Variants in CEP78 observed in about 807,000 individuals in gnomAD.
The protein encoded by CEP78 is centrosomal protein 78.
Under a neutral mutation model 81.2 loss-of-function variants are expected in CEP78, and 76 were observed. The ratio of observed to expected loss-of-function variants is 0.94; its 90% CI spans 0.78 to 1.13. The LOEUF (loss-of-function observed/expected upper bound fraction) is 1.13. CEP78 is among the 50% of genes most tolerant of loss of function. The pLI, the probability that CEP78 is intolerant of heterozygous loss-of-function variation, is 0.00. For synonymous variants in CEP78, 293 were observed against 301.4 expected (o/e 0.97, Z 0.29); for missense variants, 918 against 846.8 (o/e 1.08, Z -1.04).
chr9:78,265,936 G>T, intron 15 of CEP78, 30 bp downstream of exon 15: 1 of 1,091,326 alleles, frequency 9.2e-7, no homozygotes, highest in South Asian at 1.4e-5. Flanking sequence ...TAATTTTTCA[G>T]AATAAGTAAT....
intron 11 of CEP78, among the ~76,000 whole-genome samples, chr9:78,257,295 A>G (rs138764908): frequency 1.1e-3 from 172 of 152,270 alleles, no homozygotes; most frequent in African/African-American, 3.7e-3. Flanking sequence ...TTAGAAAGAT[A>G]CCTCCAAAGT....
chr9:78,236,101 C>G lies in CEP78; in HGVS notation c.-250C>G, dbSNP rs1032993829. 1.9e-6 allele frequency: 1 copy of G among 522,666 alleles called. No homozygotes were observed. The highest frequency in any genetic ancestry group is 3.4e-6 in the Non-Finnish European group (1 of 297,170). The allele number at this position is 522,666 out of a possible 1,614,324, so 32.4% of individuals were successfully genotyped here. A position where few individuals can be genotyped will look rare whatever the true frequency, so the allele number is the denominator to read the frequency against. ...GCTTGAATCCCGGCGCCTCAGAGGACTATGAGGCGGGCGCCAACTGCTTGG... is the reference window on the plus strand; with the variant it reads ...GCTTGAATCCCGGCGCCTCAGAGGAGTATGAGGCGGGCGCCAACTGCTTGG... On this transcript the variant is annotated 5_prime_UTR_variant, in exon 1 of 17. Coordinates refer to ENST00000643273, the MANE Select transcript of CEP78 (RefSeq NM_001330691.3).
chr9:78,253,335 C>T, intron 10 of CEP78, 58 bp downstream of exon 10: 2 of 802,786 alleles, frequency 2.5e-6, no homozygotes. Flanking sequence ...GGTGGAAGAT[C>T]ATTCTCTGTG....
rs760596748 is a variant in CEP78, at chr9:78,248,293, C to A, written c.895C>A (p.His299Asn). 1 of 1,518,194 alleles carries A rather than the reference C, an allele frequency of 6.6e-7. No individual in the cohort carries two copies. 94.0% of individuals were successfully genotyped at this position (1,518,194 alleles called of 1,614,324 possible). The change falls in exon 7 of 17, where the codon CAT becomes AAT. Residue 299 changes from histidine to asparagine, a missense_variant and splice_region_variant. Physicochemically the swap from His to Asn is moderately conservative, Grantham distance 68. Transcript: ENST00000643273. ...TTTCAATTTTTATTTTACTTTAGAT[C>A]ATTCTATGATGAAAGCAGTTATCAA... ...LDIRKNPLID[H>N]SMMKAVIKKV...
Position 78,240,151 on chromosome 9 carries a change from A to G in CEP78, c.382A>G (p.Asn128Asp), listed in dbSNP as rs199750679. 1 of 1,595,402 alleles carries G rather than the reference A, an allele frequency of 6.3e-7. No homozygotes were observed. Among genetic ancestry groups the G allele is most frequent in the East Asian group, 2.2e-5 (1 of 44,774 alleles). Residue 128 changes from asparagine (N) to aspartate (D), a missense_variant, in exon 2 of 17, where the codon AAT becomes GAT. Physicochemically the swap from Asn to Asp is conservative, Grantham distance 23. Transcript: ENST00000643273. ...ISSVLKNLEL[N>D]GLILRERDLT... The stretch of plus-strand genomic sequence containing the variant: ...AAGTGTGCTAAAGAACCTGGAGCTA[A>G]ATGGACTAATTCTGAGAGAGAGGGA...
intron 11 of CEP78, among the ~76,000 whole-genome samples, chr9:78,256,185 G>T (rs946409573): frequency 6.6e-6 from 1 of 152,188 alleles, no homozygotes; most frequent in Non-Finnish European, 1.5e-5. Flanking sequence ...CACAGGGGAA[G>T]CCTACAGCTC....
Position 78,266,585 on chromosome 9 carries a change from A to T in CEP78, c.1989A>T (p.Gly663=), listed in dbSNP as rs757883869. The change falls in exon 16 of 17, where the codon GGA becomes GGT. Residue 663 remains glycine, a synonymous_variant. Transcript: ENST00000643273. ...AGCAGCGGCAGGAGTCTTTTGAAGG[A>T]TTCATTGCTAGAATGTGTTCTCCTT... ...ATEQRQESFE[G]FIARMCSPSP... is the part of the protein sequence containing the mutation. 2 of 1,613,788 alleles carry T rather than the reference A, an allele frequency of 1.2e-6. No homozygotes were observed. Among genetic ancestry groups the T allele is most frequent in the East Asian group, 2.2e-5 (1 of 44,876 alleles).
At position 78,265,436 on chromosome 9, in the gene CEP78, C is replaced by A. The variant is rs777650460; in HGVS notation, c.1690C>A (p.Gln564Lys). 2 of 1,600,802 alleles carry A rather than the reference C, an allele frequency of 1.2e-6. No homozygotes were observed. The highest frequency in any genetic ancestry group is 3.4e-5 in the Admixed American group (2 of 58,292). The stretch of plus-strand genomic sequence containing the variant: ...AGATTTTCAATTACTAGGTCATCCC[C>A]AGATGACTTCTACTGTTAGTAATCC... ...QSDFQLLGHPQMTSTVSNPPK... is the reference protein window; with the variant it reads ...QSDFQLLGHPKMTSTVSNPPK... Residue 564 changes from glutamine to lysine, a missense_variant, in exon 14 of 17, where the codon CAG (glutamine) becomes AAG (lysine). Transcript: ENST00000643273.
Position 78,236,312 on chromosome 9 carries a change from G to A in CEP78, c.-39G>A, listed in dbSNP as rs1363758383. 33 of 1,528,666 alleles carry A rather than the reference G, an allele frequency of 2.2e-5. No homozygotes were observed. Among genetic ancestry groups the A allele is most frequent in the Non-Finnish European group, 2.8e-5 (32 of 1,141,002 alleles). The allele number at this position is 1,528,666 out of a possible 1,614,324, so 94.7% of individuals were successfully genotyped here. A position where few individuals can be genotyped will look rare whatever the true frequency, so the allele number is the denominator to read the frequency against. ...GCGTTCTTGGGTGGGCGCGGGCGGCGTCTCCGCGGCGGGCATCCCCCGAGG... is the reference window on the plus strand; with the variant it reads ...GCGTTCTTGGGTGGGCGCGGGCGGCATCTCCGCGGCGGGCATCCCCCGAGG... On this transcript the variant is annotated 5_prime_UTR_variant, in exon 1 of 17. Coordinates refer to ENST00000643273, the MANE Select transcript of CEP78 (RefSeq NM_001330691.3).
intron 11 of CEP78, among the ~76,000 whole-genome samples, chr9:78,256,148 CAG>C (rs1207688598): frequency 7.2e-5 from 11 of 152,262 alleles, no homozygotes; most frequent in African/African-American, 2.6e-4. Flanking sequence ...TGCAGTAGAA[CAG>C]AGGAAAACCA....
intron 3 of CEP78, among the ~76,000 whole-genome samples, chr9:78,241,483 A>G (rs1487355483): frequency 1.3e-5 from 2 of 152,226 alleles, no homozygotes; most frequent in Non-Finnish European, 2.9e-5. Flanking sequence ...TTTGGCATCT[A>G]AATAGAATTG....
chr9:78,256,593 C>T (rs1049217578), intron 11 of CEP78, among the ~76,000 whole-genome samples: 10 of 126,710 alleles, frequency 7.9e-5, no homozygotes, highest in Non-Finnish European at 1.4e-4. Context: ...AATGCAGTGG[C>T]GGGATCTCGG....
At position 78,276,080 on chromosome 9, in the gene CEP78, AAC is replaced by A. The variant is rs1491523868; in HGVS notation, c.*5233_*5234del. 1.3e-5 allele frequency: 2 copies of A among 152,254 alleles called. No homozygotes were observed. The highest frequency in any genetic ancestry group is 2.9e-5 in the Non-Finnish European group (2 of 68,044). The allele number at this position is 152,254 out of a possible 1,614,324, so 9.4% of individuals were successfully genotyped here. A position where few individuals can be genotyped will look rare whatever the true frequency, so the allele number is the denominator to read the frequency against. On this transcript the variant is annotated 3_prime_UTR_variant, in exon 17 of 17. Coordinates refer to ENST00000643273, the MANE Select transcript of CEP78 (RefSeq NM_001330691.3). The stretch of plus-strand genomic sequence containing the variant: ...TCCTTATAGCAAACTGCACAAATAA[AAC>A]ACAAGGAAAACTAAACCAAATTCAA...
chr9:78,247,378 A>C (rs1012762681), intron 6 of CEP78, among the ~76,000 whole-genome samples: 1 of 152,192 alleles, frequency 6.6e-6, no homozygotes, highest in Non-Finnish European at 1.5e-5. Flanking sequence ...GATGCAGATA[A>C]AGTACCTTCC....
intron 16 of CEP78, among the ~76,000 whole-genome samples, chr9:78,270,136 G>A (rs917235519): frequency 3.3e-5 from 5 of 152,166 alleles, no homozygotes; most frequent in Non-Finnish European, 5.9e-5. Context: ...GGGATCCTGG[G>A]AAGTGTGGAC....
rs1408889954 is a variant in CEP78, at chr9:78,236,490, C to G, written c.140C>G (p.Ala47Gly). 12 of 1,606,238 alleles carry G rather than the reference C, an allele frequency of 7.5e-6. No homozygotes were observed. The highest frequency in any genetic ancestry group is 1.0e-5 in the Non-Finnish European group (12 of 1,176,524). The change falls in exon 1 of 17, where the codon GCC (alanine) becomes GGC (glycine). Residue 47 changes from alanine to glycine, a missense_variant. Transcript: ENST00000643273. ...CLREGVLDFN[A>G]DRLRGVDWAP... is the part of the protein sequence containing the mutation. ...CGGGAGGGCGTGCTGGATTTCAACG[C>G]CGACCGCCTCCGCGGGGTGGACTGG...
Position 78,277,053 on chromosome 9 carries a change from T to C in CEP78, c.*6202T>C, listed in dbSNP as rs529072768. 5 of 152,230 alleles carry C rather than the reference T, an allele frequency of 3.3e-5. No homozygotes were observed. Among genetic ancestry groups the C allele is most frequent in the African/African-American group, 1.2e-4 (5 of 41,548 alleles). 9.4% of individuals were successfully genotyped at this position (152,230 alleles called of 1,614,324 possible). A position where few individuals can be genotyped will look rare whatever the true frequency, so the allele number is the denominator to read the frequency against. ...GAACAGAGCAATGTATATATATATG[T>C]ATTTAAAAAATGGCATCACAAGTCA... On this transcript the variant is annotated 3_prime_UTR_variant, in exon 17 of 17. Transcript: ENST00000643273.
chr9:78,244,943 C>T (rs1019883751), intron 5 of CEP78, among the ~76,000 whole-genome samples: 3 of 152,086 alleles, frequency 2.0e-5, no homozygotes, highest in Admixed American at 1.3e-4. Context: ...ATGTGACCTT[C>T]GCCAATCTGA....
At chr9:78,257,859 C>T (rs1344659290) in intron 11 of CEP78, among the ~76,000 whole-genome samples, 1 of 152,178 alleles carries the variant, frequency 6.6e-6, no homozygotes, top group Non-Finnish European at 1.5e-5. Context: ...AACATCAAGA[C>T]AAGGGTTGTA....
Sources: allele counts gnomAD v4.1 joint callset (sites outside exome capture counted in the v4.1 genomes callset), GRCh38; gene constraint gnomAD v4.1.1; transcripts MANE v1.5; gene names NCBI Gene and HGNC (gene_info 2026-07-23, HGNC 2026-07-21).